Variants in SPON1 observed in about 807,000 individuals in gnomAD.
SPON1 encodes spondin-1.
A neutral mutation model predicts 111.7 loss-of-function variants in SPON1; 52 were observed. The observed-to-expected ratio is 0.47, with a 90% CI of 0.37 to 0.59. The LOEUF (loss-of-function observed/expected upper bound fraction) is 0.59, where lower values mean the gene tolerates loss of function less well. Among genes scored for constraint, SPON1 ranks in the 20% least tolerant of loss-of-function variants. SPON1 has a pLI of 0.00. For synonymous variants in SPON1, 410 were observed against 395.8 expected (o/e 1.04, Z -0.43); for missense variants, 957 against 1,068.5 (o/e 0.90, Z 1.46).
At chr11:14,137,105 G>A (rs997145163) in intron 6 of SPON1, among the ~76,000 whole-genome samples, 1 of 152,180 alleles carries the variant, frequency 6.6e-6, no homozygotes, top group Non-Finnish European at 1.5e-5. Flanking sequence ...TCATAATAAT[G>A]TCAGTCTCAC....
At chr11:14,133,401 G>C (rs1847548946) in intron 5 of SPON1, among the ~76,000 whole-genome samples, 1 of 152,212 alleles carries the variant, frequency 6.6e-6, no homozygotes, top group South Asian at 2.1e-4. Flanking sequence ...TGTGATTTGT[G>C]CTATGGCAAG....
chr11:14,227,233 A>G lies in SPON1; in HGVS notation c.826-16099A>G, dbSNP rs560181522. 2.7e-3 allele frequency among the ~76,000 whole-genome samples: 407 copies of G among 152,234 alleles called. 3 individuals are homozygous for G. The highest frequency in any genetic ancestry group is 4.1e-3 in the Non-Finnish European group (279 of 68,008). The stretch of plus-strand genomic sequence containing the variant: ...CACTATGTTGCCCAGGCTGGTCTCA[A>G]TCTCCTGGCCTCAAGTGATCCATCT... On this transcript the variant is annotated intron_variant, in intron 6 of 15. Transcript: ENST00000576479.
At chr11:14,224,748 C>T (rs1489451503) in intron 6 of SPON1, 2 of 505,810 alleles carry the variant, frequency 4.0e-6, no homozygotes, top group East Asian at 5.6e-5. Flanking sequence ...GGGTGAAAGA[C>T]TGAGGGAGAT....
At chr11:14,197,538 G>A (rs1268753804) in intron 6 of SPON1, among the ~76,000 whole-genome samples, 6 of 151,156 alleles carry the variant, frequency 4.0e-5, no homozygotes, top group South Asian at 2.1e-4. Flanking sequence ...TGGGGGCTGC[G>A]CATGGTGGCT....
At chr11:14,023,806 G>A (rs868962304) in intron 2 of SPON1, among the ~76,000 whole-genome samples, 6 of 152,126 alleles carry the variant, frequency 3.9e-5, no homozygotes, top group Non-Finnish European at 7.4e-5. Flanking sequence ...GTGCAAGACC[G>A]GCCTGACCAA....
intron 1 of SPON1, among the ~76,000 whole-genome samples, chr11:13,966,316 T>C (rs1848015869): frequency 6.6e-6 from 1 of 152,230 alleles, no homozygotes; most frequent in African/African-American, 2.4e-5. Context: ...AAATAACAAG[T>C]TGAGGATCCT....
Position 14,082,986 on chromosome 11 carries a change from GAGGATCCCAAC to G in SPON1, c.676+2967_676+2977del, listed in dbSNP as rs1564900945. Among the ~76,000 whole-genome samples, 81 of 152,202 alleles carry G rather than the reference GAGGATCCCAAC, an allele frequency of 5.3e-4. 1 individual carries two copies. The highest frequency in any genetic ancestry group is 1.8e-3 in the African/African-American group (76 of 41,506). Reference sequence around the variant, plus strand: ...GCTTTTGTATGCTTAAAAAATCTTTGAGGATCCCAACATAAGTGGTTTATATGGGTTATAGC... The same window carrying G: ...GCTTTTGTATGCTTAAAAAATCTTTGATAAGTGGTTTATATGGGTTATAGC... On this transcript the variant is annotated intron_variant, in intron 5 of 15. Coordinates refer to ENST00000576479, the MANE Select transcript of SPON1 (RefSeq NM_006108.4).
chr11:14,114,712 G>A (rs1849253901), intron 5 of SPON1, among the ~76,000 whole-genome samples: 1 of 152,108 alleles, frequency 6.6e-6, no homozygotes, highest in Non-Finnish European at 1.5e-5. Flanking sequence ...CTGTATTGGC[G>A]GCCCTCCTCT....
chr11:14,007,992 C>T (rs1027301433), intron 2 of SPON1, among the ~76,000 whole-genome samples: 2 of 152,106 alleles, frequency 1.3e-5, no homozygotes, highest in African/African-American at 2.4e-5. Flanking sequence ...CTCTCAAGAT[C>T]CTTAAATAAA....
At chr11:14,238,210 G>A (rs1848887625) in intron 6 of SPON1, among the ~76,000 whole-genome samples, 1 of 152,058 alleles carries the variant, frequency 6.6e-6, no homozygotes, top group Admixed American at 6.6e-5. Flanking sequence ...TTCCCTCTCT[G>A]ATCATGGATT....
chr11:14,038,580 GGCAAGTAA>G (rs1848611133), intron 2 of SPON1, among the ~76,000 whole-genome samples: 1 of 152,064 alleles, frequency 6.6e-6, no homozygotes, highest in African/African-American at 2.4e-5. Flanking sequence ...ATATACAGAT[GGCAAGTAA>G]GCAAATAAAA....
At chr11:14,115,784 T>G (rs1232450673) in intron 5 of SPON1, among the ~76,000 whole-genome samples, 2 of 152,178 alleles carry the variant, frequency 1.3e-5, no homozygotes, top group Non-Finnish European at 2.9e-5. Flanking sequence ...TTTCTGTTGG[T>G]TAGATACTAG....
intron 5 of SPON1, among the ~76,000 whole-genome samples, chr11:14,084,116 T>C (rs1369212172): frequency 6.6e-6 from 1 of 152,202 alleles, no homozygotes; most frequent in African/African-American, 2.4e-5. Context: ...TCATTTTTAT[T>C]GTTTTTTCAA....
At chr11:14,199,670 G>A (rs1482680121) in intron 6 of SPON1, among the ~76,000 whole-genome samples, 14 of 152,248 alleles carry the variant, frequency 9.2e-5, no homozygotes, top group Admixed American at 2.0e-4. Context: ...GTGCTTCCCC[G>A]TTACTCTCAG....
intron 6 of SPON1, among the ~76,000 whole-genome samples, chr11:14,154,444 T>C (rs1847819545): frequency 6.6e-6 from 1 of 152,182 alleles, no homozygotes; most frequent in Admixed American, 6.5e-5. Flanking sequence ...CTGAGACATA[T>C]CTTGGCCCCG....
At chr11:14,047,310 A>C (rs1848675707) in intron 3 of SPON1, among the ~76,000 whole-genome samples, 1 of 152,168 alleles carries the variant, frequency 6.6e-6, no homozygotes. Flanking sequence ...CAGTGCCTTT[A>C]ATCAAGTTGA....
chr11:13,982,237 C>G (rs370802255), intron 1 of SPON1, among the ~76,000 whole-genome samples: 5 of 152,016 alleles, frequency 3.3e-5, no homozygotes, highest in African/African-American at 1.2e-4. Context: ...TTGGTACTAT[C>G]CATGATTTCA....
chr11:14,190,983 A>G (rs190971943), intron 6 of SPON1, among the ~76,000 whole-genome samples: 2 of 151,804 alleles, frequency 1.3e-5, no homozygotes, highest in African/African-American at 4.9e-5. Flanking sequence ...ACAAAAAAGA[A>G]AAAAGCACTT....
intron 6 of SPON1, among the ~76,000 whole-genome samples, chr11:14,168,882 T>G (rs1291500210): frequency 3.3e-5 from 5 of 152,250 alleles, no homozygotes; most frequent in Non-Finnish European, 7.3e-5. Context: ...ATGCCACATT[T>G]TCTTAATCCA....
Sources: allele counts gnomAD v4.1 joint callset (sites outside exome capture counted in the v4.1 genomes callset), GRCh38; gene constraint gnomAD v4.1.1; transcripts MANE v1.5; gene names NCBI Gene and HGNC (gene_info 2026-07-23, HGNC 2026-07-21).